The following TENM3 variants were observed in gnomAD, a reference collection of about 807,000 sequenced individuals.
TENM3 encodes teneurin transmembrane protein 3, also known as teneurin-3.
A neutral mutation model predicts 255.1 loss-of-function variants in TENM3; 63 were observed. The observed-to-expected ratio is 0.25, with a 90% confidence interval of 0.20 to 0.30. TENM3 has a LOEUF of 0.30. TENM3 is among the 10% of genes least tolerant of loss of function. TENM3 has a pLI of 1.00. For synonymous variants in TENM3, 1,306 were observed against 1,322.3 expected, an observed-to-expected ratio of 0.99 and a Z score of 0.27; for missense variants, 2,929 against 3,461.1, an observed-to-expected ratio of 0.85 and a Z score of 3.86.
chr4:182,069,148 G>A, the TENM3 span, among the ~76,000 whole-genome samples: 1 of 152,120 alleles, frequency 6.6e-6, no homozygotes, highest in African/African-American at 2.4e-5. Context: ...AATAGACCCA[G>A]TAATAAGCAA....
At chr4:182,698,729 C>G (rs776991796) in intron 12 of TENM3, among the ~76,000 whole-genome samples, 3 of 152,124 alleles carry the variant, frequency 2.0e-5, no homozygotes, top group African/African-American at 7.2e-5. Context: ...TCCTTCATGC[C>G]GTAATTTATC....
At chr4:181,466,586 C>G in the TENM3 span, among the ~76,000 whole-genome samples, 1 of 152,146 alleles carries the variant, frequency 6.6e-6, no homozygotes, top group Admixed American at 6.5e-5. Flanking sequence ...AAGAAGAACA[C>G]ATCACAGTCA....
chr4:181,502,047 C>T, the TENM3 span, among the ~76,000 whole-genome samples: 2 of 152,278 alleles, frequency 1.3e-5, 1 homozygote, highest in East Asian at 3.9e-4. Context: ...GATTTCCAGG[C>T]ATCATTGCCT....
intron 13 of TENM3, among the ~76,000 whole-genome samples, chr4:182,719,982 G>C (rs1470056268): frequency 6.6e-6 from 1 of 152,018 alleles, no homozygotes; most frequent in Non-Finnish European, 1.5e-5. Context: ...GATCACCTGA[G>C]CCTGGGGAGG....
intron 3 of TENM3, among the ~76,000 whole-genome samples, chr4:182,599,226 A>G (rs1340559944): frequency 1.3e-5 from 2 of 152,174 alleles, no homozygotes; most frequent in African/African-American, 4.8e-5. Flanking sequence ...TCTTTCATGA[A>G]TTTTAAACTG....
the TENM3 span, among the ~76,000 whole-genome samples, chr4:181,618,205 G>A: frequency 2.0e-5 from 3 of 152,144 alleles, no homozygotes; most frequent in East Asian, 3.8e-4. Flanking sequence ...GGCACTCTAG[G>A]GTGAGTTGGG....
chr4:182,057,843 A>C, the TENM3 span, among the ~76,000 whole-genome samples: 2 of 152,246 alleles, frequency 1.3e-5, no homozygotes, highest in African/African-American at 4.8e-5. Context: ...GTCCAAGACA[A>C]ACTGGAAATC....
At chr4:182,691,790 T>C (rs1376973075) in intron 12 of TENM3, among the ~76,000 whole-genome samples, 3 of 152,168 alleles carry the variant, frequency 2.0e-5, no homozygotes, top group Non-Finnish European at 1.5e-5. Context: ...GCATTCATGA[T>C]TATTAGACCC....
chr4:182,248,724 C>T (rs1350821163), intron 1 of TENM3, among the ~76,000 whole-genome samples: 3 of 152,176 alleles, frequency 2.0e-5, no homozygotes, highest in Admixed American at 6.5e-5. Context: ...TACATGCCTA[C>T]TACGTGCCAG....
chr4:181,550,288 C>T, the TENM3 span, among the ~76,000 whole-genome samples: 6 of 152,140 alleles, frequency 3.9e-5, no homozygotes, highest in African/African-American at 1.2e-4. Context: ...TTTCAGTTTA[C>T]GAAGATTCTC....
chr4:181,856,670 C>T, the TENM3 span, among the ~76,000 whole-genome samples: 2 of 152,128 alleles, frequency 1.3e-5, no homozygotes, highest in African/African-American at 4.8e-5. Context: ...CTTGGTGTGG[C>T]GTGAGGTTCT....
At chr4:182,100,650 C>CACACATATATACACAT in the TENM3 span, among the ~76,000 whole-genome samples, 21 of 35,536 alleles carry the variant, frequency 5.9e-4, no homozygotes, top group South Asian at 9.5e-4. Context: ...TATATATACA[C>CACACATATATACACAT]ATATATACAC....
the TENM3 span, among the ~76,000 whole-genome samples, chr4:181,664,486 C>CA: frequency 4.3e-3 from 497 of 116,000 alleles, 2 homozygotes; most frequent in African/African-American, 0.014. Context: ...TAAAAAAAAA[C>CA]AAAACAAAAA....
chr4:181,766,849 A>C, the TENM3 span, among the ~76,000 whole-genome samples: 26 of 152,248 alleles, frequency 1.7e-4, no homozygotes, highest in South Asian at 5.4e-3. Context: ...TCTCTCCAAA[A>C]CACCACCACA....
the TENM3 span, among the ~76,000 whole-genome samples, chr4:182,117,189 C>G: frequency 1.3e-5 from 2 of 152,116 alleles, no homozygotes; most frequent in African/African-American, 4.8e-5. Flanking sequence ...GATAACAGTT[C>G]TTCATCAGCT....
intron 1 of TENM3, among the ~76,000 whole-genome samples, chr4:182,192,246 G>T (rs1753571720): frequency 6.6e-6 from 1 of 152,124 alleles, no homozygotes; most frequent in Admixed American, 6.6e-5. Context: ...TTTCTACCGA[G>T]GGTCCACAAA....
At chr4:181,601,346 G>A in the TENM3 span, among the ~76,000 whole-genome samples, 1 of 152,142 alleles carries the variant, frequency 6.6e-6, no homozygotes, top group African/African-American at 2.4e-5. Context: ...CTGTCTGGGT[G>A]ACTTAAACAA....
At position 182,324,165 on chromosome 4, in the gene TENM3, G is replaced by A; in HGVS notation, c.145G>A (p.Ala49Thr). ...CTACAGTTCCAGCGAGACATTGAAA[G>A]CTTTTGATCATGATTCCTCGCGGCT... Reference protein sequence around the residue: ...KSYSSSETLKAFDHDSSRLLY... With the variant: ...KSYSSSETLKTFDHDSSRLLY... The change falls in exon 2 of 28, where the codon GCT (alanine) becomes ACT (threonine). Residue 49 changes from alanine (A) to threonine (T), a missense_variant. Ala to Thr is a moderately conservative substitution (Grantham distance 58, BLOSUM62 0). Transcript: ENST00000511685. 6.2e-6 allele frequency: 10 copies of A among 1,614,044 alleles called. No homozygotes were observed. Among genetic ancestry groups the A allele is most frequent in the Non-Finnish European group, 7.6e-6 (9 of 1,179,894 alleles).
the TENM3 span, among the ~76,000 whole-genome samples, chr4:181,886,433 T>C: frequency 3.3e-5 from 5 of 152,218 alleles, no homozygotes; most frequent in African/African-American, 1.2e-4. Context: ...CAAATGTATT[T>C]TAATTTGGAA....
Sources: gnomAD v4.1 joint callset for allele counts (sites outside exome capture counted in the v4.1 genomes callset) on GRCh38, gnomAD v4.1.1 for gene constraint, MANE v1.5 for transcripts, NCBI Gene and HGNC (gene_info 2026-07-23, HGNC 2026-07-21) for gene names.